PLXNA4: variants seen among roughly 807,000 people sequenced by gnomAD.
PLXNA4 encodes the protein plexin-A4.
Under a neutral mutation model 191.8 loss-of-function variants are expected in PLXNA4, and 44 were observed. The ratio of observed to expected loss-of-function variants is 0.23; its 90% CI spans 0.18 to 0.29. The LOEUF (loss-of-function observed/expected upper bound fraction) is 0.29. Among genes scored for constraint, PLXNA4 ranks in the 10% least tolerant of loss-of-function variants. The pLI, the probability that PLXNA4 is intolerant of heterozygous loss-of-function variation, is 1.00. For synonymous variants in PLXNA4, 1,082 were observed against 1,009.5 expected (o/e 1.07, Z -1.36); for missense variants, 1,800 against 2,488.8 (o/e 0.72, Z 5.89).
At chr7:132,235,837 G>GATACACA (rs1562983840) in intron 5 of PLXNA4, among the ~76,000 whole-genome samples, 1 of 152,212 alleles carries the variant, frequency 6.6e-6, no homozygotes, top group Non-Finnish European at 1.5e-5. Context: ...GCCCAGGACA[G>GATACACA]GAGATAGCTG....
At chr7:132,562,850 TCTC>T (rs1361635239) in intron 1 of PLXNA4, among the ~76,000 whole-genome samples, 1 of 53,746 alleles carries the variant, frequency 1.9e-5, no homozygotes, top group Non-Finnish European at 3.4e-5. Flanking sequence ...TCTCTTCCTT[TCTC>T]CTCCTCCTCC....
At chr7:132,399,545 G>A (rs993038946) in intron 3 of PLXNA4, among the ~76,000 whole-genome samples, 1 of 152,204 alleles carries the variant, frequency 6.6e-6, no homozygotes, top group African/African-American at 2.4e-5. Flanking sequence ...CTTCATGGGG[G>A]AGGCGGGACC....
At chr7:132,513,956 A>C (rs777718074) in intron 1 of PLXNA4, among the ~76,000 whole-genome samples, 2 of 151,822 alleles carry the variant, frequency 1.3e-5, no homozygotes, top group Non-Finnish European at 2.9e-5. Context: ...GATTATGGGC[A>C]TGAGCCACTG....
chr7:132,161,639 G>A (rs1795952035), intron 24 of PLXNA4, among the ~76,000 whole-genome samples: 1 of 152,058 alleles, frequency 6.6e-6, no homozygotes, highest in Admixed American at 6.5e-5. Flanking sequence ...TAGCGCTCTA[G>A]CAGGCTTCCA....
At chr7:132,177,225 A>G (rs989294101) in intron 20 of PLXNA4, among the ~76,000 whole-genome samples, 3 of 152,168 alleles carry the variant, frequency 2.0e-5, no homozygotes, top group South Asian at 4.1e-4. Context: ...GTGTGAGTCC[A>G]TGAGTGTATG....
chr7:132,369,561 T>TACAC (rs2116890785), intron 3 of PLXNA4, among the ~76,000 whole-genome samples: 1 of 151,956 alleles, frequency 6.6e-6, no homozygotes, highest in African/African-American at 2.4e-5. Flanking sequence ...GGGCATAACA[T>TACAC]ACACCAAAAA....
chr7:132,195,825 C>T (rs760412553), intron 13 of PLXNA4, among the ~76,000 whole-genome samples: 9 of 152,166 alleles, frequency 5.9e-5, no homozygotes, highest in South Asian at 4.1e-4. Flanking sequence ...ATTTTCTCCA[C>T]GCTTGTCATC....
chr7:132,378,728 A>T (rs1804763470), intron 3 of PLXNA4, among the ~76,000 whole-genome samples: 1 of 151,990 alleles, frequency 6.6e-6, no homozygotes, highest in Admixed American at 6.6e-5. Flanking sequence ...CACCTCTGAT[A>T]TTCTTTGAGC....
chr7:132,372,010 G>A (rs549814704), intron 3 of PLXNA4, among the ~76,000 whole-genome samples: 35 of 152,130 alleles, frequency 2.3e-4, no homozygotes, highest in Admixed American at 9.8e-4. Flanking sequence ...GTTGGCCATC[G>A]CCTCTAGATT....
At chr7:132,552,071 A>G (rs925227479) in intron 1 of PLXNA4, among the ~76,000 whole-genome samples, 4 of 152,216 alleles carry the variant, frequency 2.6e-5, no homozygotes, top group African/African-American at 9.6e-5. Context: ...CTGCACATGC[A>G]GCCAAGATGC....
At chr7:132,560,008 C>T (rs779388622) in intron 1 of PLXNA4, among the ~76,000 whole-genome samples, 1 of 152,192 alleles carries the variant, frequency 6.6e-6, no homozygotes, top group African/African-American at 2.4e-5. Flanking sequence ...GCACTTGACA[C>T]GCCTGGACCA....
In PLXNA4 at chr7:132,314,766, A is replaced by G. The variant is rs1801880529; in HGVS notation, c.1372-16544T>C. Among the ~76,000 whole-genome samples the G allele has an allele frequency of 1.3e-5, 2 of 152,168 alleles. 1 individual carries two copies. ...CCAGCCACTTTACTTCCCATCCTCA[A>G]CGTAGACCAGGAAAAGTCATGATGG... On this transcript the variant is annotated intron_variant, in intron 3 of 31. Transcript: ENST00000321063.
intron 2 of PLXNA4, among the ~76,000 whole-genome samples, chr7:132,626,974 A>G (rs993752181): frequency 3.9e-5 from 6 of 152,198 alleles, no homozygotes; most frequent in Non-Finnish European, 7.3e-5. Context: ...TGCATGCTGG[A>G]ATCCAATCTA....
intron 3 of PLXNA4, among the ~76,000 whole-genome samples, chr7:132,322,186 T>G (rs77308440): frequency 2.2e-3 from 35 of 16,022 alleles, no homozygotes; most frequent in African/African-American, 2.9e-3. Context: ...TAAAAGGGCT[T>G]TTTTTTTTTT....
intron 3 of PLXNA4, among the ~76,000 whole-genome samples, chr7:132,321,390 T>G (rs936235791): frequency 6.6e-6 from 1 of 151,196 alleles, no homozygotes; most frequent in Non-Finnish European, 1.5e-5. Flanking sequence ...TAAATCGTGG[T>G]CCAGTTCCCA....
At chr7:132,531,092 T>C (rs1436010829) in intron 1 of PLXNA4, among the ~76,000 whole-genome samples, 1 of 152,184 alleles carries the variant, frequency 6.6e-6, no homozygotes, top group Admixed American at 6.5e-5. Context: ...TGGGGAGTTA[T>C]TAATGGCAAC....
At chr7:132,135,711 G>T (rs979777654) in intron 30 of PLXNA4, among the ~76,000 whole-genome samples, 2 of 152,216 alleles carry the variant, frequency 1.3e-5, no homozygotes, top group Admixed American at 1.3e-4. Context: ...GTGGAGGGCA[G>T]GGAGTTGAGA....
chr7:132,190,281 C>G (rs1441417295), intron 14 of PLXNA4, among the ~76,000 whole-genome samples: 1 of 152,260 alleles, frequency 6.6e-6, no homozygotes, highest in African/African-American at 2.4e-5. Flanking sequence ...TCACACCCCT[C>G]TCCAGGGTAG....
chr7:132,563,994 CCTT>C (rs1563177251), intron 1 of PLXNA4, among the ~76,000 whole-genome samples: 6 of 6,518 alleles, frequency 9.2e-4, no homozygotes, highest in South Asian at 0.016. Flanking sequence ...TCCTCCTCCT[CCTT>C]CTCCTCCTCC....
Sources: gnomAD v4.1 joint callset for allele counts (sites outside exome capture counted in the v4.1 genomes callset) on GRCh38, gnomAD v4.1.1 for gene constraint, MANE v1.5 for transcripts, NCBI Gene and HGNC (gene_info 2026-07-23, HGNC 2026-07-21) for gene names.